PTPN4: variants seen among roughly 807,000 people sequenced by gnomAD.
PTPN4 encodes tyrosine-protein phosphatase non-receptor type 4.
In PTPN4, 49 loss-of-function variants were observed where a neutral mutation model predicts 135.5. The observed-to-expected ratio is 0.36, with a 90% CI of 0.29 to 0.46. The LOEUF is 0.46. PTPN4 is among the 20% of genes least tolerant of loss of function. The pLI is 1.00. For missense variants in PTPN4, 860 were observed against 1,101.0 expected (o/e 0.78, Z 3.10); for synonymous variants, 333 against 369.9 (o/e 0.90, Z 1.14).
At chr2:119,971,621 CT>C (rs1451695615) in intron 26 of PTPN4, among the ~76,000 whole-genome samples, 1 of 152,190 alleles carries the variant, frequency 6.6e-6, no homozygotes, top group Non-Finnish European at 1.5e-5. Flanking sequence ...TCCATTTTCT[CT>C]TTCTGTTTTC....
chr2:119,938,480 C>T (rs960388218), intron 15 of PTPN4, among the ~76,000 whole-genome samples: 3 of 151,854 alleles, frequency 2.0e-5, no homozygotes, highest in Non-Finnish European at 4.4e-5. Flanking sequence ...TGTTTTGAGC[C>T]CTGGTGCCCC....
At chr2:119,870,638 G>T (rs1677896893) in intron 3 of PTPN4, among the ~76,000 whole-genome samples, 1 of 151,984 alleles carries the variant, frequency 6.6e-6, no homozygotes, top group African/African-American at 2.4e-5. Context: ...AAGTCAATGG[G>T]GTAGAAGAAA....
intron 3 of PTPN4, among the ~76,000 whole-genome samples, chr2:119,871,300 TC>T (rs1677906177): frequency 6.6e-6 from 1 of 151,726 alleles, no homozygotes; most frequent in Admixed American, 6.6e-5. Flanking sequence ...GCAGCATATA[TC>T]AAAATTTAAA....
intron 2 of PTPN4, among the ~76,000 whole-genome samples, chr2:119,845,354 G>A (rs1677480930): frequency 6.6e-6 from 1 of 151,030 alleles, no homozygotes; most frequent in African/African-American, 2.4e-5. Context: ...AAACCATCTG[G>A]ATCTGATTTT....
intron 2 of PTPN4, among the ~76,000 whole-genome samples, chr2:119,839,168 G>C (rs763351991): frequency 3.3e-5 from 5 of 151,928 alleles, no homozygotes; most frequent in Non-Finnish European, 5.9e-5. Context: ...ATTTTAATTA[G>C]TTTTCATTCC....
rs145415981 is a variant in PTPN4, at chr2:119,956,566, T to G, written c.1981-278T>G. On this transcript the variant is annotated intron_variant, in intron 20 of 26. Transcript: ENST00000263708. ...GAAAGTTAAATGTTTTCTGCAGATT[T>G]GCTACTCACAACTTCAGGTGCTCCT... Among the ~76,000 whole-genome samples, 548 of 152,340 alleles carry G rather than the reference T, an allele frequency of 3.6e-3. 3 individuals are homozygous for G. The highest frequency in any genetic ancestry group is 0.013 in the African/African-American group (526 of 41,582).
chr2:119,849,269 T>C (rs184310927), intron 2 of PTPN4, among the ~76,000 whole-genome samples: 197 of 152,292 alleles, frequency 1.3e-3, no homozygotes, highest in African/African-American at 4.6e-3. Flanking sequence ...TCTTCTCCTG[T>C]GTTATGTTTT....
At chr2:119,944,132 C>T (rs780656565) in intron 15 of PTPN4, among the ~76,000 whole-genome samples, 50 of 152,264 alleles carry the variant, frequency 3.3e-4, no homozygotes, top group Admixed American at 7.8e-4. Context: ...TGCTTCAGTG[C>T]CACATCAGCA....
chr2:119,917,438 A>G (rs866946774), intron 11 of PTPN4, among the ~76,000 whole-genome samples: 10 of 152,320 alleles, frequency 6.6e-5, no homozygotes, highest in South Asian at 6.2e-4. Context: ...GAAAGAAAGT[A>G]AAGATGGTAT....
chr2:119,784,898 C>T (rs1691019491), intron 1 of PTPN4, among the ~76,000 whole-genome samples: 1 of 151,908 alleles, frequency 6.6e-6, no homozygotes, highest in Non-Finnish European at 1.5e-5. Flanking sequence ...GTCAAAGTTT[C>T]TAGTTTTATC....
intron 1 of PTPN4, among the ~76,000 whole-genome samples, chr2:119,791,723 T>G (rs935057580): frequency 1.3e-5 from 2 of 152,202 alleles, no homozygotes; most frequent in African/African-American, 4.8e-5. Flanking sequence ...TTTCTTTCTC[T>G]TTGATTTTTG....
chr2:119,762,805 G>A (rs1253541748), intron 1 of PTPN4, among the ~76,000 whole-genome samples: 3 of 152,116 alleles, frequency 2.0e-5, no homozygotes, highest in Non-Finnish European at 4.4e-5. Flanking sequence ...ATTGGTAGAA[G>A]TTTACTAACT....
chr2:119,777,972 G>A (rs1558722537), intron 1 of PTPN4, among the ~76,000 whole-genome samples: 1 of 151,930 alleles, frequency 6.6e-6, no homozygotes, highest in East Asian at 1.9e-4. Flanking sequence ...GTTGCTTTCT[G>A]AAGGAAGTAT....
At chr2:119,889,639 G>T (rs1464294655) in intron 9 of PTPN4, among the ~76,000 whole-genome samples, 5 of 151,718 alleles carry the variant, frequency 3.3e-5, no homozygotes, top group African/African-American at 4.8e-5. Context: ...TCTGATCTTT[G>T]TTATTTCTGT....
intron 2 of PTPN4, among the ~76,000 whole-genome samples, chr2:119,854,959 G>A (rs910433923): frequency 5.9e-5 from 9 of 152,194 alleles, no homozygotes; most frequent in African/African-American, 2.2e-4. Context: ...GACACCTAAG[G>A]CCTGTCTATT....
rs536503892 is a variant in PTPN4 at position 119,965,629 on chromosome 2, G to A, written c.2542G>A (p.Val848Ile). Reference sequence around the variant, plus strand: ...CAAGAGGGCTGGCAAGGAAGAACCCGTTGTTGTCCATTGCAGGTACTCTGT... The same window carrying A: ...CAAGAGGGCTGGCAAGGAAGAACCCATTGTTGTCCATTGCAGGTACTCTGT... The part of the protein sequence containing the change: ...RNKRAGKEEP[V>I]VVHCSAGIGR... The change falls in exon 25 of 27, where the codon GTT becomes ATT. Residue 848 changes from valine to isoleucine, a missense_variant. Val to Ile is a conservative substitution (Grantham distance 29). Transcript: ENST00000263708. 59 of 1,613,354 alleles carry A rather than the reference G, an allele frequency of 3.7e-5. No homozygotes were observed. Among genetic ancestry groups the A allele is most frequent in the South Asian group, 9.9e-5 (9 of 90,938 alleles).
At position 119,856,159 on chromosome 2, in the gene PTPN4, C is replaced by T. The variant is rs145085547; in HGVS notation, c.139-6377C>T. On this transcript the variant is annotated intron_variant, in intron 2 of 26. Coordinates refer to ENST00000263708, the MANE Select transcript of PTPN4 (RefSeq NM_002830.4). ...GTGACTTAGAGCATATCACTCCCAT[C>T]GGGACTTTCAACCAGAAGGAGAGGC... Among the ~76,000 whole-genome samples, 498 of 152,222 alleles carry T rather than the reference C, an allele frequency of 3.3e-3. 1 individual carries two copies. Among genetic ancestry groups the T allele is most frequent in the African/African-American group, 0.01 (425 of 41,540 alleles).
chr2:119,931,316 A>C (rs923442595), intron 13 of PTPN4, among the ~76,000 whole-genome samples: 4 of 151,972 alleles, frequency 2.6e-5, no homozygotes, highest in African/African-American at 4.8e-5. Flanking sequence ...CTGAATTTGC[A>C]TATAAAAAAT....
At chr2:119,939,594 C>T (rs1052525222) in intron 15 of PTPN4, among the ~76,000 whole-genome samples, 2 of 152,146 alleles carry the variant, frequency 1.3e-5, no homozygotes, top group East Asian at 1.9e-4. Flanking sequence ...TGTGAGCCAC[C>T]GTGCCTGGCC....
Sources: gnomAD v4.1 joint callset for allele counts (sites outside exome capture counted in the v4.1 genomes callset) on GRCh38, gnomAD v4.1.1 for gene constraint, MANE v1.5 for transcripts, NCBI Gene and HGNC (gene_info 2026-07-23, HGNC 2026-07-21) for gene names.